Variants in RORA observed in about 807,000 individuals in gnomAD.
RORA encodes nuclear receptor ROR-alpha.
RORA carries 7 observed loss-of-function variants against 69.5 expected under a neutral mutation model. The observed-to-expected ratio is 0.10, with a 90% CI of 0.06 to 0.19. The LOEUF is 0.19. Ranked by LOEUF, RORA falls within the 10% of genes least tolerant of loss-of-function variation. RORA has a pLI of 1.00. For synonymous variants in RORA, 261 were observed against 240.8 expected (o/e 1.08, Z -0.78); for missense variants, 457 against 663.0 (o/e 0.69, Z 3.41).
chr15:60,567,138 G>C (rs1268838487), intron 2 of RORA, among the ~76,000 whole-genome samples: 1 of 151,092 alleles, frequency 6.6e-6, no homozygotes. Context: ...TATGTTTCTA[G>C]CCATTAATAA....
intron 1 of RORA, among the ~76,000 whole-genome samples, chr15:61,201,578 C>T (rs1270434618): frequency 6.6e-6 from 1 of 152,160 alleles, no homozygotes; most frequent in African/African-American, 2.4e-5. Context: ...AAACATTGCA[C>T]ATTAACTCAA....
intron 1 of RORA, among the ~76,000 whole-genome samples, chr15:60,838,291 G>C (rs190382186): frequency 1.3e-5 from 2 of 152,314 alleles, no homozygotes; most frequent in East Asian, 3.9e-4. Context: ...ACATGGCCTG[G>C]GCTGGGGATT....
At chr15:61,081,681 G>A (rs551607042) in intron 1 of RORA, among the ~76,000 whole-genome samples, 8 of 151,772 alleles carry the variant, frequency 5.3e-5, no homozygotes, top group Non-Finnish European at 1.0e-4. Context: ...GGTGGCGGGC[G>A]CCTGTAGTCC....
intron 1 of RORA, among the ~76,000 whole-genome samples, chr15:60,696,022 C>G (rs879461714): frequency 2.6e-5 from 4 of 152,026 alleles, no homozygotes; most frequent in African/African-American, 9.7e-5. Flanking sequence ...TGACAGAAGT[C>G]TTATTATTAT....
chr15:60,818,749 A>G (rs1388051402), intron 1 of RORA, among the ~76,000 whole-genome samples: 2 of 152,374 alleles, frequency 1.3e-5, no homozygotes, highest in East Asian at 3.9e-4. Context: ...CATCAGTAGG[A>G]CAATGAATTG....
At chr15:60,863,995 G>C (rs4775306) in intron 1 of RORA, among the ~76,000 whole-genome samples, 137,506 of 151,882 alleles carry the variant, frequency 0.91, 63,174 homozygotes, top group East Asian at 1. Context: ...TTAGTAGAGA[G>C]GGAATTTCAC....
At position 60,701,953 on chromosome 15, in the gene RORA, G is replaced by T. The variant is rs1035490017; in HGVS notation, c.167-23267C>A. On this transcript the variant is annotated intron_variant, in intron 1 of 10. Coordinates refer to ENST00000335670, the MANE Select transcript of RORA (RefSeq NM_134261.3). Reference sequence around the variant, plus strand: ...CTGTAATTCCCTCTTAGACCCTCCCGAGGAACGCTTAATTGATCAACTAAC... The same window carrying T: ...CTGTAATTCCCTCTTAGACCCTCCCTAGGAACGCTTAATTGATCAACTAAC... 2.6e-5 allele frequency among the ~76,000 whole-genome samples: 4 copies of T among 152,290 alleles called. No individual in the cohort carries two copies. The South Asian group carries it at 8.3e-4, about 32-fold the overall frequency.
At position 60,519,602 on chromosome 15, in the gene RORA, A is replaced by G. The variant is rs184355265; in HGVS notation, c.283-4845T>C. 2.8e-3 allele frequency among the ~76,000 whole-genome samples: 425 copies of G among 152,338 alleles called. 1 individual carries two copies. Among genetic ancestry groups the G allele is most frequent in the Non-Finnish European group, 3.5e-3 (241 of 68,026 alleles). On this transcript the variant is annotated intron_variant, in intron 3 of 10. Transcript: ENST00000335670. ...TATGCAGAATAAAGTAGCAAGAGCA[A>G]TCTACTCTGAAATTAGTGTTTTCCC... is the stretch of plus-strand genomic sequence containing the variant.
At chr15:60,589,050 G>C (rs896122368) in intron 2 of RORA, among the ~76,000 whole-genome samples, 2 of 152,120 alleles carry the variant, frequency 1.3e-5, no homozygotes, top group Non-Finnish European at 2.9e-5. Flanking sequence ...GCTCAGTAGT[G>C]GCAACCATTT....
At chr15:61,015,045 A>C (rs1895232525) in intron 1 of RORA, among the ~76,000 whole-genome samples, 1 of 152,226 alleles carries the variant, frequency 6.6e-6, no homozygotes, top group African/African-American at 2.4e-5. Flanking sequence ...CTATAGCCCG[A>C]AGCTCGTTAA....
chr15:60,944,870 T>C (rs765439432), intron 1 of RORA, among the ~76,000 whole-genome samples: 4 of 152,310 alleles, frequency 2.6e-5, no homozygotes, highest in East Asian at 1.9e-4. Context: ...AGATGCTGCA[T>C]GCCCAACGTG....
chr15:61,109,131 G>A (rs1289068694), intron 1 of RORA, among the ~76,000 whole-genome samples: 1 of 152,160 alleles, frequency 6.6e-6, no homozygotes, highest in East Asian at 1.9e-4. Flanking sequence ...AGGAGGCAGA[G>A]GTTGCAGTGA....
chr15:60,908,743 T>C (rs972810004), intron 1 of RORA, among the ~76,000 whole-genome samples: 1 of 152,150 alleles, frequency 6.6e-6, no homozygotes, highest in Non-Finnish European at 1.5e-5. Flanking sequence ...ATATTAAGCT[T>C]ATTACCCCCA....
rs56299587 is a variant in RORA at position 61,147,377 on chromosome 15, C to T, written c.166+81676G>A. Among the ~76,000 whole-genome samples the T allele has an allele frequency of 0.15, 22,724 of 152,082 alleles. 1,885 individuals are homozygous for T. The highest frequency in any genetic ancestry group is 0.18 in the Non-Finnish European group (12,054 of 67,986). ...GCTGGAAGCCATGTTGCCTGGGCACCGTGAGGCTCACCCTCCCTCCCCAGC... is the reference window on the plus strand; with the variant it reads ...GCTGGAAGCCATGTTGCCTGGGCACTGTGAGGCTCACCCTCCCTCCCCAGC... On this transcript the variant is annotated intron_variant, in intron 1 of 10. Coordinates refer to ENST00000335670, the MANE Select transcript of RORA (RefSeq NM_134261.3). The surrounding 1 kb of genome is among the most constrained non-coding windows in gnomAD (Gnocchi z 4.1).
intron 1 of RORA, among the ~76,000 whole-genome samples, chr15:60,776,069 A>C (rs969441093): frequency 6.6e-6 from 1 of 152,184 alleles, no homozygotes; most frequent in African/African-American, 2.4e-5. Context: ...TTCGATGGGA[A>C]CCTGAAACTT....
chr15:60,567,503 C>G (rs569687446), intron 2 of RORA, among the ~76,000 whole-genome samples: 5 of 151,800 alleles, frequency 3.3e-5, no homozygotes, highest in Non-Finnish European at 7.4e-5. Flanking sequence ...CTCCATCTCC[C>G]AGGTTCAAGT....
At chr15:61,019,574 G>A (rs1037999016) in intron 1 of RORA, among the ~76,000 whole-genome samples, 1 of 152,122 alleles carries the variant, frequency 6.6e-6, no homozygotes, top group Non-Finnish European at 1.5e-5. Flanking sequence ...GCTCAAAAGA[G>A]GTGGGGTTGT....
At chr15:60,712,586 G>T (rs903831056) in intron 1 of RORA, among the ~76,000 whole-genome samples, 2 of 152,170 alleles carry the variant, frequency 1.3e-5, no homozygotes, top group South Asian at 4.1e-4. Flanking sequence ...AGTCATCTGC[G>T]ATAGGACCCA....
chr15:61,227,432 C>T (rs528939407), intron 1 of RORA, among the ~76,000 whole-genome samples: 1 of 152,168 alleles, frequency 6.6e-6, no homozygotes, highest in Admixed American at 6.5e-5. Context: ...TCGCCGCCCC[C>T]CTCCCGCTGA....
Sources: gnomAD v4.1 joint callset for allele counts (sites outside exome capture counted in the v4.1 genomes callset) on GRCh38, gnomAD v4.1.1 for gene constraint, Gnocchi (gnomAD v3.1) non-coding constraint, MANE v1.5 for transcripts, NCBI Gene and HGNC (gene_info 2026-07-23, HGNC 2026-07-21) for gene names.